Variants in SRGAP3 observed in about 807,000 individuals in gnomAD.
The protein encoded by SRGAP3 is SLIT-ROBO Rho GTPase-activating protein 3.
Under a neutral mutation model 121.1 loss-of-function variants are expected in SRGAP3, and 39 were observed. That is an observed-to-expected ratio of 0.32 (90% CI 0.25 to 0.42). SRGAP3 has a LOEUF of 0.42. SRGAP3 is among the 10% of genes least tolerant of loss of function. The pLI, the probability that SRGAP3 is intolerant of heterozygous loss-of-function variation, is 1.00. For synonymous variants in SRGAP3, 601 were observed against 570.0 expected (o/e 1.05, Z -0.77); for missense variants, 1,213 against 1,470.6 (o/e 0.82, Z 2.86).
intron 3 of SRGAP3, among the ~76,000 whole-genome samples, chr3:9,312,983 C>T (rs1299308271): frequency 6.6e-6 from 1 of 152,076 alleles, no homozygotes; most frequent in African/African-American, 2.4e-5. Context: ...CAGAGCGAGA[C>T]TTTGTCTCTA....
chr3:9,039,627 A>T (rs890190014), intron 10 of SRGAP3, among the ~76,000 whole-genome samples: 7 of 152,292 alleles, frequency 4.6e-5, no homozygotes, highest in Non-Finnish European at 8.8e-5. Flanking sequence ...TTTCATGCCC[A>T]CTAATAGTCA....
At chr3:9,340,686 C>G in intron 1 of SRGAP3, among the ~76,000 whole-genome samples, 1 of 152,086 alleles carries the variant, frequency 6.6e-6, no homozygotes, top group East Asian at 1.9e-4. Flanking sequence ...CTGGGAAGAT[C>G]TAGAAACAAT....
intron 3 of SRGAP3, among the ~76,000 whole-genome samples, chr3:9,092,324 TTAA>T (rs1161175417): frequency 2.6e-5 from 4 of 152,218 alleles, no homozygotes; most frequent in South Asian, 2.1e-4. Context: ...GTAATACTTA[TTAA>T]TAATAAGTCT....
intron 11 of SRGAP3, chr3:9,035,682 C>A (rs1380908036): frequency 5.8e-6 from 1 of 171,880 alleles, no homozygotes; most frequent in Non-Finnish European, 1.3e-5. Flanking sequence ...GAAAGAGAAA[C>A]CAGAGACCAA....
chr3:9,202,622 C>A (rs898327872), intron 1 of SRGAP3, among the ~76,000 whole-genome samples: 2 of 152,186 alleles, frequency 1.3e-5, no homozygotes, highest in African/African-American at 2.4e-5. Flanking sequence ...ACCCTCGAGC[C>A]CCCTCCTGGA....
At chr3:9,188,308 C>T (rs1951658718) in intron 1 of SRGAP3, among the ~76,000 whole-genome samples, 1 of 152,154 alleles carries the variant, frequency 6.6e-6, no homozygotes, top group Non-Finnish European at 1.5e-5. Flanking sequence ...CAAGGAGAAC[C>T]TTATGGATTA....
intron 1 of SRGAP3, among the ~76,000 whole-genome samples, chr3:9,167,392 T>C (rs1323515243): frequency 6.6e-6 from 1 of 152,160 alleles, no homozygotes; most frequent in African/African-American, 2.4e-5. Context: ...CATTTGACAT[T>C]TGCTGCTTCC....
At chr3:9,245,753 G>A (rs1378965308) in intron 1 of SRGAP3, among the ~76,000 whole-genome samples, 4 of 152,240 alleles carry the variant, frequency 2.6e-5, no homozygotes, top group East Asian at 1.9e-4. Context: ...GTGAAACCCC[G>A]TCTCTACTAA....
chr3:9,061,555 A>G (rs1291079591), intron 5 of SRGAP3, among the ~76,000 whole-genome samples: 1 of 151,948 alleles, frequency 6.6e-6, no homozygotes, highest in Non-Finnish European at 1.5e-5. Context: ...AAGCACTTCC[A>G]CCACCTGAAA....
At chr3:8,989,373 C>T (rs1223783052) in intron 21 of SRGAP3, among the ~76,000 whole-genome samples, 3 of 152,212 alleles carry the variant, frequency 2.0e-5, no homozygotes, top group Non-Finnish European at 4.4e-5. Context: ...TGGGGCCAAA[C>T]TAGAGCCTGC....
At chr3:9,207,025 A>C (rs1198176865) in intron 1 of SRGAP3, among the ~76,000 whole-genome samples, 1 of 152,192 alleles carries the variant, frequency 6.6e-6, no homozygotes, top group Non-Finnish European at 1.5e-5. Context: ...ACTTCAGCTG[A>C]TCTTCACATA....
chr3:9,160,465 G>A (rs931779936), intron 1 of SRGAP3, among the ~76,000 whole-genome samples: 7 of 152,168 alleles, frequency 4.6e-5, no homozygotes, highest in African/African-American at 1.4e-4. Flanking sequence ...TCCACGTGGC[G>A]AGGAACTCAG....
At chr3:9,188,654 G>T (rs962367503) in intron 1 of SRGAP3, among the ~76,000 whole-genome samples, 7 of 152,218 alleles carry the variant, frequency 4.6e-5, no homozygotes, top group African/African-American at 1.7e-4. Flanking sequence ...ATGGCCAGTT[G>T]TGCAAAGCAT....
chr3:9,165,164 C>G (rs549802840), intron 1 of SRGAP3, among the ~76,000 whole-genome samples: 1 of 152,190 alleles, frequency 6.6e-6, no homozygotes, highest in East Asian at 1.9e-4. Flanking sequence ...AAAAAGGGGG[C>G]CCCCCAGTGG....
At chr3:9,010,169 T>G in intron 18 of SRGAP3, 139 bp downstream of exon 18, 1 of 1,033,522 alleles carries the variant, frequency 9.7e-7, no homozygotes, top group South Asian at 1.4e-5. Flanking sequence ...TTTCGGGGTC[T>G]TCGTCTATTC....
intron 18 of SRGAP3, 77 bp from the exon 19 acceptor site, chr3:8,994,600 G>A: frequency 6.4e-7 from 1 of 1,569,724 alleles, no homozygotes; most frequent in Non-Finnish European, 8.7e-7. Flanking sequence ...AGATGGCCCT[G>A]GCTTCTCTGG....
chr3:9,212,696 A>G (rs943168684), intron 1 of SRGAP3, among the ~76,000 whole-genome samples: 1 of 152,186 alleles, frequency 6.6e-6, no homozygotes, highest in Non-Finnish European at 1.5e-5. Flanking sequence ...ACCTGGTGAC[A>G]GAGAGAGACT....
intron 1 of SRGAP3, among the ~76,000 whole-genome samples, chr3:9,141,240 C>T (rs1233124591): frequency 6.6e-6 from 1 of 152,168 alleles, no homozygotes; most frequent in African/African-American, 2.4e-5. Flanking sequence ...GACAGAGCCA[C>T]TAATCTTCAT....
intron 10 of SRGAP3, among the ~76,000 whole-genome samples, chr3:9,046,648 T>C (rs1008814129): frequency 6.6e-6 from 1 of 152,162 alleles, no homozygotes; most frequent in African/African-American, 2.4e-5. Context: ...TCTCTGGACC[T>C]AGAACCCTAG....
Sources: gnomAD v4.1 joint callset for allele counts (sites outside exome capture counted in the v4.1 genomes callset) on GRCh38, gnomAD v4.1.1 for gene constraint, MANE v1.5 for transcripts, NCBI Gene and HGNC (gene_info 2026-07-23, HGNC 2026-07-21) for gene names.